Variants in KCNN2 observed in about 807,000 individuals in gnomAD.
The protein encoded by KCNN2 is potassium calcium-activated channel subfamily N member 2, also known as small conductance calcium-activated potassium channel protein 2.
A neutral mutation model predicts 55.5 loss-of-function variants in KCNN2; 24 were observed. That is an observed-to-expected ratio of 0.43 (90% CI 0.31 to 0.61). The LOEUF (loss-of-function observed/expected upper bound fraction) is 0.61, where lower values mean the gene tolerates loss of function less well. Among genes scored for constraint, KCNN2 ranks in the 20% least tolerant of loss-of-function variants. KCNN2 has a pLI of 0.08. For missense variants in KCNN2, 754 were observed against 853.6 expected, an observed-to-expected ratio of 0.88 and a Z score of 1.45; for synonymous variants, 431 against 336.1, an observed-to-expected ratio of 1.28 and a Z score of -3.09.
chr5:114,455,548 G>A (rs910090283), intron 3 of KCNN2, among the ~76,000 whole-genome samples: 7 of 152,176 alleles, frequency 4.6e-5, no homozygotes, highest in African/African-American at 1.4e-4. Flanking sequence ...GCTTCCAAGT[G>A]TTCACGTGAC....
intron 1 of KCNN2, among the ~76,000 whole-genome samples, chr5:114,209,953 A>G (rs1189806762): frequency 2.6e-5 from 4 of 152,024 alleles, no homozygotes; most frequent in Non-Finnish European, 5.9e-5. Context: ...CAGTGCTTTC[A>G]TTATTGTTCA....
At chr5:114,150,528 A>G (rs1278064799) in intron 1 of KCNN2, among the ~76,000 whole-genome samples, 2 of 152,160 alleles carry the variant, frequency 1.3e-5, no homozygotes, top group Non-Finnish European at 2.9e-5. Flanking sequence ...ATACCTCCCC[A>G]CATTCCCTGA....
chr5:114,275,411 G>A (rs3112755), intron 2 of KCNN2, among the ~76,000 whole-genome samples: 149,328 of 152,294 alleles, frequency 0.98, 73,276 homozygotes, highest in Non-Finnish European at 1. Flanking sequence ...AAGGAATGGT[G>A]TCCATTCCTC....
chr5:114,070,750 A>G (rs1280932790), intron 1 of KCNN2, among the ~76,000 whole-genome samples: 1 of 152,234 alleles, frequency 6.6e-6, no homozygotes, highest in Non-Finnish European at 1.5e-5. Flanking sequence ...TACTACACAT[A>G]TGTGACACTG....
intron 4 of KCNN2, among the ~76,000 whole-genome samples, chr5:114,470,091 A>G (rs1761651225): frequency 6.6e-6 from 1 of 152,188 alleles, no homozygotes; most frequent in African/African-American, 2.4e-5. Context: ...CATGTCTTAG[A>G]TGACACCCGG....
chr5:114,207,566 G>T (rs1307327114), intron 1 of KCNN2, among the ~76,000 whole-genome samples: 1 of 152,088 alleles, frequency 6.6e-6, no homozygotes, highest in Non-Finnish European at 1.5e-5. Context: ...TTTTATTATA[G>T]ATCTTATTTG....
intron 2 of KCNN2, among the ~76,000 whole-genome samples, chr5:114,233,319 A>C (rs1229632841): frequency 6.6e-6 from 1 of 152,154 alleles, no homozygotes; most frequent in Non-Finnish European, 1.5e-5. Flanking sequence ...GGTGATAGGC[A>C]ACTTTGCGTA....
At chr5:114,368,879 T>TA (rs397773394) in intron 2 of KCNN2, among the ~76,000 whole-genome samples, 3 of 151,874 alleles carry the variant, frequency 2.0e-5, no homozygotes, top group South Asian at 2.1e-4. Context: ...CATTTTTTTT[T>TA]AGCAGGTACA....
At chr5:114,486,420 T>G (rs2150136669) in intron 5 of KCNN2, among the ~76,000 whole-genome samples, 1 of 152,312 alleles carries the variant, frequency 6.6e-6, no homozygotes, top group East Asian at 1.9e-4. Flanking sequence ...CTTGGCAGTG[T>G]TACTGCAGTG....
At chr5:114,295,171 G>A in intron 2 of KCNN2, among the ~76,000 whole-genome samples, 1 of 152,230 alleles carries the variant, frequency 6.6e-6, no homozygotes, top group Non-Finnish European at 1.5e-5. Flanking sequence ...TGAGGAGGCA[G>A]TCTGCCCATT....
intron 2 of KCNN2, among the ~76,000 whole-genome samples, chr5:114,292,097 T>G (rs540941720): frequency 6.6e-6 from 1 of 152,362 alleles, no homozygotes; most frequent in South Asian, 2.1e-4. Context: ...ATTAGCCCTT[T>G]GTCAGATGAG....
At chr5:114,149,205 A>G (rs1752465243) in intron 1 of KCNN2, among the ~76,000 whole-genome samples, 1 of 152,160 alleles carries the variant, frequency 6.6e-6, no homozygotes, top group Non-Finnish European at 1.5e-5. Context: ...TAACCCTGGA[A>G]TAATACCAGT....
At chr5:114,161,383 A>T (rs1752777511) in intron 1 of KCNN2, among the ~76,000 whole-genome samples, 1 of 137,810 alleles carries the variant, frequency 7.3e-6, no homozygotes, top group African/African-American at 2.7e-5. Context: ...TGTTAGTCTG[A>T]TGGGCTTCCC....
chr5:114,104,381 A>G (rs182790132), intron 1 of KCNN2, among the ~76,000 whole-genome samples: 12 of 151,978 alleles, frequency 7.9e-5, no homozygotes, highest in Non-Finnish European at 1.8e-4. Flanking sequence ...AACCTCCTGG[A>G]TTCGTTCATT....
At chr5:114,441,850 A>G (rs978975649) in intron 3 of KCNN2, among the ~76,000 whole-genome samples, 1 of 152,184 alleles carries the variant, frequency 6.6e-6, no homozygotes, top group African/African-American at 2.4e-5. Flanking sequence ...TTGCTCCTAA[A>G]GATCTATTAT....
intron 2 of KCNN2, among the ~76,000 whole-genome samples, chr5:114,275,344 C>T (rs1406412707): frequency 6.6e-6 from 1 of 152,130 alleles, no homozygotes; most frequent in Non-Finnish European, 1.5e-5. Context: ...TGATGCTAGC[C>T]TCATGAAATG....
At chr5:114,261,889 C>T (rs1580670641) in intron 2 of KCNN2, among the ~76,000 whole-genome samples, 1 of 152,144 alleles carries the variant, frequency 6.6e-6, no homozygotes. Flanking sequence ...GAGAGCTGGG[C>T]ACATGGTGAT....
intron 2 of KCNN2, among the ~76,000 whole-genome samples, chr5:114,381,491 C>T (rs969574967): frequency 6.6e-6 from 1 of 152,160 alleles, no homozygotes; most frequent in African/African-American, 2.4e-5. Flanking sequence ...TCTAAGGGCT[C>T]TAATAAGTGA....
At chr5:114,276,426 G>A (rs1054534807) in intron 2 of KCNN2, among the ~76,000 whole-genome samples, 4 of 152,028 alleles carry the variant, frequency 2.6e-5, no homozygotes, top group African/African-American at 4.8e-5. Flanking sequence ...ATTGACAGTG[G>A]GGTGTTAAAG....
Sources: allele counts gnomAD v4.1 joint callset (sites outside exome capture counted in the v4.1 genomes callset), GRCh38; gene constraint gnomAD v4.1.1; transcripts MANE v1.5; gene names NCBI Gene and HGNC (gene_info 2026-07-23, HGNC 2026-07-21).